Variants in OSMR observed in about 807,000 individuals in gnomAD.
OSMR encodes the protein oncostatin-M-specific receptor subunit beta.
Under a neutral mutation model 99.9 loss-of-function variants are expected in OSMR, and 81 were observed. The ratio of observed to expected loss-of-function variants is 0.81; its 90% CI spans 0.68 to 0.97. The LOEUF is 0.97. Among genes scored for constraint, OSMR ranks in the 50% least tolerant of loss-of-function variants. OSMR has a pLI of 0.00. For synonymous variants in OSMR, 406 were observed against 410.4 expected (o/e 0.99, Z 0.13); for missense variants, 1,099 against 1,153.4 (o/e 0.95, Z 0.68).
At chr5:38,868,146 A>G (rs528497092) in intron 1 of OSMR, among the ~76,000 whole-genome samples, 6 of 152,146 alleles carry the variant, frequency 3.9e-5, no homozygotes, top group African/African-American at 1.4e-4. Flanking sequence ...TTCTTTACCA[A>G]TCTTTGCTTG....
At chr5:38,943,012 G>A in intron 1 of OSMR, 1 of 1,463,082 alleles carries the variant, frequency 6.8e-7, no homozygotes, top group Non-Finnish European at 9.6e-7. Flanking sequence ...CTGTAATCAT[G>A]ATGTATCTAT....
chr5:38,904,327 T>G (rs1363298066), intron 8 of OSMR, 26 bp from the exon 9 acceptor site: 8 of 1,609,314 alleles, frequency 5.0e-6, no homozygotes, highest in Non-Finnish European at 6.8e-6. Context: ...CTCTTTTTTC[T>G]TTTCTTCTCT....
intron 1 of OSMR, among the ~76,000 whole-genome samples, chr5:38,862,392 C>T (rs376477596): frequency 0.083 from 2,967 of 35,782 alleles, 169 homozygotes; most frequent in East Asian, 0.47. Context: ...CCTCACCTCC[C>T]GGATGGGGCG....
chr5:38,851,538 T>C (rs1027385895), intron 1 of OSMR, among the ~76,000 whole-genome samples: 1 of 152,048 alleles, frequency 6.6e-6, no homozygotes, highest in Admixed American at 6.6e-5. Flanking sequence ...GCTGCAGCCA[T>C]TGGGTGGGAG....
chr5:38,935,384 C>T lies in OSMR; in HGVS notation c.*1940C>T, dbSNP rs1008992178. 4.0e-4 allele frequency: 61 copies of T among 152,120 alleles called. No homozygotes were observed. Among genetic ancestry groups the T allele is most frequent in the African/African-American group, 7.0e-4 (29 of 41,444 alleles). The allele number at this position is 152,120 out of a possible 1,614,324, so 9.4% of individuals were successfully genotyped here. On this transcript the variant is annotated 3_prime_UTR_variant, in exon 18 of 18. Coordinates refer to ENST00000274276, the MANE Select transcript of OSMR (RefSeq NM_003999.3). ...GGAAACATTGATTATGTGCTCCTCA[C>T]GTAGTAGAAAGCGGTATCCTGATTA...
At chr5:38,899,147 A>G (rs1304025150) in intron 7 of OSMR, among the ~76,000 whole-genome samples, 1 of 151,926 alleles carries the variant, frequency 6.6e-6, no homozygotes, top group Non-Finnish European at 1.5e-5. Context: ...TCTAGTAGAG[A>G]CAGGGTTTCA....
chr5:38,893,025 C>A (rs1416310540), intron 7 of OSMR, among the ~76,000 whole-genome samples: 1 of 152,154 alleles, frequency 6.6e-6, no homozygotes, highest in Non-Finnish European at 1.5e-5. Context: ...AACAGGAACC[C>A]CAGAGTACTG....
At chr5:38,892,538 C>T (rs958727488) in intron 7 of OSMR, among the ~76,000 whole-genome samples, 1 of 152,142 alleles carries the variant, frequency 6.6e-6, no homozygotes, top group African/African-American at 2.4e-5. Context: ...TAGGCTGACT[C>T]AACTAGCCAA....
intron 3 of OSMR, among the ~76,000 whole-genome samples, chr5:38,879,911 T>A (rs1050408935): frequency 1.3e-5 from 2 of 152,204 alleles, no homozygotes; most frequent in Non-Finnish European, 2.9e-5. Flanking sequence ...TCTTAAATTT[T>A]AAAAATATTT....
chr5:38,876,419 A>G (rs1176904635), intron 3 of OSMR, 46 bp downstream of exon 3: 28 of 1,505,402 alleles, frequency 1.9e-5, no homozygotes, highest in Non-Finnish European at 2.6e-5. Context: ...ATCTTTAAAA[A>G]AAGACACCTT....
At chr5:38,935,792 A>C (rs1195970813), downstream of OSMR, among the ~76,000 whole-genome samples, 2 of 152,058 alleles carry the variant, frequency 1.3e-5, no homozygotes, top group African/African-American at 4.8e-5. Context: ...TGGACCTGGA[A>C]TCTATTTTTT....
chr5:38,873,690 G>GA (rs1356095368), intron 2 of OSMR, among the ~76,000 whole-genome samples: 2 of 152,172 alleles, frequency 1.3e-5, no homozygotes, highest in Admixed American at 6.5e-5. Flanking sequence ...TCATGGGTGT[G>GA]AAATGGTACC....
At chr5:38,874,401 G>T (rs142806770) in intron 2 of OSMR, among the ~76,000 whole-genome samples, 2,502 of 152,186 alleles carry the variant, frequency 0.016, 23 homozygotes, top group South Asian at 0.041. Context: ...AGCCATTGTG[G>T]CTCCCTTTCC....
rs762782554 is a variant in OSMR, at chr5:38,932,930, T to C, written c.2426T>C (p.Val809Ala). ...VSDCIPDAIE[V>A]VSKPEGTKIQ... ...GACTGTATCCCAGATGCTATTGAAG[T>C]TGTAAGCAAGCCAGAAGGGACAAAG... Residue 809 changes from valine to alanine, a missense_variant, in exon 18 of 18, where the codon GTT (valine) becomes GCT (alanine). By Grantham distance (64) the Val-to-Ala change is moderately conservative. Coordinates refer to ENST00000274276, the MANE Select transcript of OSMR (RefSeq NM_003999.3). 1.2e-6 allele frequency: 2 copies of C among 1,614,152 alleles called. No homozygotes were observed. Among genetic ancestry groups the C allele is most frequent in the Admixed American group, 3.3e-5 (2 of 60,008 alleles).
At chr5:38,858,265 C>G (rs1442617323) in intron 1 of OSMR, among the ~76,000 whole-genome samples, 4 of 152,082 alleles carry the variant, frequency 2.6e-5, no homozygotes, top group Non-Finnish European at 4.4e-5. Context: ...CCTTCCTAAC[C>G]CTTTTCAGCC....
At chr5:38,929,141 T>A (rs999116517) in intron 15 of OSMR, among the ~76,000 whole-genome samples, 2 of 152,182 alleles carry the variant, frequency 1.3e-5, no homozygotes, top group African/African-American at 2.4e-5. Context: ...TATTGTTAGA[T>A]GGGAGTAAAA....
At chr5:38,885,666 T>C (rs1266325904) in intron 6 of OSMR, among the ~76,000 whole-genome samples, 182 bp downstream of exon 6, 1 of 152,180 alleles carries the variant, frequency 6.6e-6, no homozygotes, top group Non-Finnish European at 1.5e-5. Flanking sequence ...TACCTGAGGT[T>C]TTTAAAAAAG....
chr5:38,887,865 A>G (rs1037226403), intron 7 of OSMR, among the ~76,000 whole-genome samples: 1 of 152,122 alleles, frequency 6.6e-6, no homozygotes, highest in Admixed American at 6.5e-5. Flanking sequence ...ATCATTTCAT[A>G]AAGTTTTAAA....
intron 1 of OSMR, among the ~76,000 whole-genome samples, chr5:38,867,647 A>T (rs940499502): frequency 6.6e-6 from 1 of 152,232 alleles, no homozygotes; most frequent in African/African-American, 2.4e-5. Context: ...AAAGTACCTG[A>T]TGAATCAGTG....
Sources: gnomAD v4.1 joint callset for allele counts (sites outside exome capture counted in the v4.1 genomes callset) on GRCh38, gnomAD v4.1.1 for gene constraint, MANE v1.5 for transcripts, NCBI Gene and HGNC (gene_info 2026-07-23, HGNC 2026-07-21) for gene names.